Variants in ERG observed in about 807,000 individuals in gnomAD.
ERG encodes ETS transcription factor ERG.
ERG carries 9 observed loss-of-function variants against 55.3 expected under a neutral mutation model. That is an observed-to-expected ratio of 0.16 (90% CI 0.10 to 0.28). ERG has a LOEUF of 0.28. ERG is among the 10% of genes least tolerant of loss of function. The pLI is 1.00. For missense variants in ERG, 434 were observed against 631.6 expected, an observed-to-expected ratio of 0.69 and a Z score of 3.35; for synonymous variants, 223 against 237.3, an observed-to-expected ratio of 0.94 and a Z score of 0.55.
At chr21:38,477,945 A>G (rs1437579756) in intron 1 of ERG, among the ~76,000 whole-genome samples, 3 of 152,232 alleles carry the variant, frequency 2.0e-5, no homozygotes, top group Non-Finnish European at 4.4e-5. Context: ...TTTTAGTGCA[A>G]TCTTCATGAT....
At chr21:38,476,707 C>A (rs2226742) in intron 1 of ERG, among the ~76,000 whole-genome samples, 17,153 of 152,166 alleles carry the variant, frequency 0.11, 1,076 homozygotes, top group East Asian at 0.26. Flanking sequence ...ATCCTTCCCC[C>A]CTCCTTGTAG....
At chr21:38,475,589 C>T (rs2059179847) in intron 1 of ERG, among the ~76,000 whole-genome samples, 1 of 152,224 alleles carries the variant, frequency 6.6e-6, no homozygotes, top group African/African-American at 2.4e-5. Flanking sequence ...GAGGCATTTG[C>T]AAACCTTGTT....
rs1271828590 is a variant in ERG at position 38,541,954 on chromosome 21, C to T, written c.-41+33708G>A. Among the ~76,000 whole-genome samples the T allele has an allele frequency of 2.1e-5, 3 of 144,658 alleles. No homozygotes were observed. The East Asian group carries it at 6.0e-4, about 29-fold the overall frequency. The allele number at this position is 144,658 out of a possible 152,430, so 94.9% of individuals were successfully genotyped here. A position where few individuals can be genotyped will look rare whatever the true frequency, so the allele number is the denominator to read the frequency against. On this transcript the variant is annotated intron_variant, in intron 2 of 8. Transcript: ENST00000398897. ...TTAAAAAGCAGATATTTGGAAAGTA[C>T]CAATAGCTTCAAAGTAAAAATACTC...
chr21:38,384,772 A>G (rs989193871), intron 9 of ERG, among the ~76,000 whole-genome samples: 10 of 152,114 alleles, frequency 6.6e-5, no homozygotes, highest in Non-Finnish European at 2.9e-5. Context: ...GGCGCTCAGA[A>G]AGCAATTCTG....
At chr21:38,553,902 A>G (rs917892392) in intron 2 of ERG, among the ~76,000 whole-genome samples, 1 of 152,156 alleles carries the variant, frequency 6.6e-6, no homozygotes, top group Non-Finnish European at 1.5e-5. Flanking sequence ...CAATGTACAG[A>G]ATAGGAGAAA....
intron 6 of ERG, among the ~76,000 whole-genome samples, chr21:38,393,554 G>C (rs1988072894): frequency 6.6e-6 from 1 of 152,182 alleles, no homozygotes; most frequent in South Asian, 2.1e-4. Flanking sequence ...ATTTCACTTG[G>C]AGGGTAGGAC....
rs575541491 is a variant in ERG at position 38,496,962 on chromosome 21, T to C, written c.18+1401A>G. On this transcript the variant is annotated intron_variant, in intron 1 of 9. Coordinates refer to ENST00000288319, the MANE Select transcript of ERG (RefSeq NM_182918.4). ...TGAAAATAAGAACAAAAAAATAACA[T>C]TTTGGGTCACAAAATCAAGTAATTT... Among the ~76,000 whole-genome samples the C allele has an allele frequency of 3.3e-4, 50 of 152,316 alleles. 1 individual carries two copies. The highest frequency in any genetic ancestry group is 1.2e-3 in the African/African-American group (50 of 41,566).
At chr21:38,426,323 C>T (rs1989822777) in intron 2 of ERG, among the ~76,000 whole-genome samples, 1 of 152,176 alleles carries the variant, frequency 6.6e-6, no homozygotes, top group Admixed American at 6.5e-5. Flanking sequence ...GACTGAGTTT[C>T]CTATTCCTCT....
chr21:38,476,927 T>C (rs1233750528), intron 1 of ERG, among the ~76,000 whole-genome samples: 1 of 152,150 alleles, frequency 6.6e-6, no homozygotes, highest in Admixed American at 6.5e-5. Flanking sequence ...CTGGACATAG[T>C]TGCTTTCATG....
chr21:38,554,583 A>C lies in ERG; in HGVS notation c.-41+21079T>G. Among the ~76,000 whole-genome samples, 2 of 152,210 alleles carry C rather than the reference A, an allele frequency of 1.3e-5. 1 individual carries two copies. Among genetic ancestry groups the C allele is most frequent in the Non-Finnish European group, 2.9e-5 (2 of 68,046 alleles). On this transcript the variant is annotated intron_variant, in intron 2 of 8. Transcript: ENST00000398897. Reference sequence around the variant, plus strand: ...AGTTAACACAGGAGCGGAAAACCAAATACCACATGTTTTCACTTATAAGTG... The same window carrying C: ...AGTTAACACAGGAGCGGAAAACCAACTACCACATGTTTTCACTTATAAGTG...
chr21:38,568,645 T>C (rs1251012164), intron 2 of ERG, among the ~76,000 whole-genome samples: 1 of 152,226 alleles, frequency 6.6e-6, no homozygotes, highest in African/African-American at 2.4e-5. Flanking sequence ...ACAGTGACTT[T>C]GTTTCCCCTG....
intron 2 of ERG, among the ~76,000 whole-genome samples, chr21:38,423,981 A>AAAAAGAAAAG (rs56340509): frequency 3.5e-4 from 53 of 150,370 alleles, no homozygotes; most frequent in Admixed American, 7.9e-4. Flanking sequence ...TCTCAAAACA[A>AAAAAGAAAAG]AAAAGAAAAG....
chr21:38,466,557 C>T (rs1386879913), intron 1 of ERG, among the ~76,000 whole-genome samples: 2 of 151,838 alleles, frequency 1.3e-5, no homozygotes, highest in African/African-American at 2.4e-5. Context: ...GATATACTCC[C>T]AAAGTGAGGG....
At chr21:38,552,556 C>T (rs2059830918) in intron 2 of ERG, among the ~76,000 whole-genome samples, 1 of 152,150 alleles carries the variant, frequency 6.6e-6, no homozygotes, top group African/African-American at 2.4e-5. Flanking sequence ...TGTGATTCAT[C>T]CCATAAACAG....
upstream of ERG, among the ~76,000 whole-genome samples, chr21:38,587,974 T>G (rs1568933421): frequency 6.6e-6 from 1 of 152,216 alleles, no homozygotes; most frequent in Non-Finnish European, 1.5e-5. Context: ...TATTTTTAAA[T>G]TAGCATTATG....
chr21:38,406,154 C>CAAAAAAAAAAAAAAAAAAAAAA (rs56711562), intron 3 of ERG, among the ~76,000 whole-genome samples: 21 of 95,014 alleles, frequency 2.2e-4, no homozygotes, highest in East Asian at 1.4e-3. Context: ...GACTCCATCT[C>CAAAAAAAAAAAAAAAAAAAAAA]AAAAAAAAAA....
chr21:38,612,914 G>A (rs2060236561), intron 1 of ERG, among the ~76,000 whole-genome samples: 1 of 152,106 alleles, frequency 6.6e-6, no homozygotes, highest in South Asian at 2.1e-4. Context: ...ACCCACCTTG[G>A]CCTCCCAAAG....
intron 2 of ERG, among the ~76,000 whole-genome samples, chr21:38,569,521 A>C (rs1352801445): frequency 4.6e-5 from 7 of 152,244 alleles, no homozygotes; most frequent in Non-Finnish European, 8.8e-5. Context: ...CTTCACTATG[A>C]GCCACCTAAT....
chr21:38,604,045 G>A (rs909364940), intron 1 of ERG, among the ~76,000 whole-genome samples: 2 of 151,710 alleles, frequency 1.3e-5, no homozygotes, highest in African/African-American at 4.9e-5. Context: ...TCAGGAGTTC[G>A]AGACCATCCT....
Sources: gnomAD v4.1 joint callset for allele counts (sites outside exome capture counted in the v4.1 genomes callset) on GRCh38, gnomAD v4.1.1 for gene constraint, MANE v1.5 for transcripts, NCBI Gene and HGNC (gene_info 2026-07-23, HGNC 2026-07-21) for gene names.